Variants in PDE4D observed in about 807,000 individuals in gnomAD.
PDE4D encodes the protein 3',5'-cyclic-AMP phosphodiesterase 4D.
In PDE4D, 24 loss-of-function variants were observed where a neutral mutation model predicts 87.4. That is an observed-to-expected ratio of 0.27 (90% CI 0.20 to 0.39). PDE4D has a LOEUF of 0.39. PDE4D is among the 10% of genes least tolerant of loss of function. The probability of loss-of-function intolerance (pLI) is 1.00; values close to 1 mark genes in which losing one functional copy is unlikely to be tolerated. For synonymous variants in PDE4D, 384 were observed against 383.2 expected (o/e 1.00, Z -0.02); for missense variants, 714 against 1,041.0 (o/e 0.69, Z 4.32).
chr5:60,308,570 C>A (rs1583372730), intron 1 of PDE4D, among the ~76,000 whole-genome samples: 1 of 152,138 alleles, frequency 6.6e-6, no homozygotes, highest in Non-Finnish European at 1.5e-5. Context: ...AAAAGTAGAG[C>A]CAGAAACCCC....
chr5:59,390,588 T>C (rs914861234), intron 1 of PDE4D, among the ~76,000 whole-genome samples: 7 of 152,118 alleles, frequency 4.6e-5, no homozygotes, highest in Non-Finnish European at 1.5e-5. Flanking sequence ...TATTTTTATA[T>C]CCAAGAGTTT....
intron 1 of PDE4D, among the ~76,000 whole-genome samples, chr5:59,771,362 A>G (rs1464520812): frequency 6.7e-6 from 1 of 149,964 alleles, no homozygotes; most frequent in East Asian, 1.9e-4. Context: ...GTAAAGGAAG[A>G]GATTATACTA....
At chr5:59,046,804 C>T (rs1006271099) in intron 5 of PDE4D, among the ~76,000 whole-genome samples, 2 of 152,018 alleles carry the variant, frequency 1.3e-5, no homozygotes, top group East Asian at 3.9e-4. Flanking sequence ...AATAAGGAGG[C>T]CTTTTGTCCA....
At chr5:60,057,148 C>A (rs1233355861) in intron 2 of PDE4D, among the ~76,000 whole-genome samples, 2 of 151,894 alleles carry the variant, frequency 1.3e-5, no homozygotes, top group African/African-American at 4.8e-5. Flanking sequence ...AAAGTCTCTA[C>A]ACAGAATAAA....
intron 2 of PDE4D, among the ~76,000 whole-genome samples, chr5:60,106,535 C>T (rs992538651): frequency 2.0e-5 from 3 of 152,036 alleles, no homozygotes; most frequent in South Asian, 4.2e-4. Flanking sequence ...AACTCTCCAC[C>T]CCAAATCAAC....
At chr5:59,142,699 G>A (rs926134894) in intron 5 of PDE4D, among the ~76,000 whole-genome samples, 1 of 152,226 alleles carries the variant, frequency 6.6e-6, no homozygotes, top group Non-Finnish European at 1.5e-5. Context: ...CACTTTGGGA[G>A]GCCCAGGCGG....
intron 2 of PDE4D, among the ~76,000 whole-genome samples, chr5:60,072,221 T>C (rs371554834): frequency 2.0e-5 from 3 of 152,180 alleles, no homozygotes; most frequent in Admixed American, 6.5e-5. Context: ...TTCTGACTGA[T>C]GTGAGATGGC....
At position 58,994,734 on chromosome 5, in the gene PDE4D, A is replaced by G. The variant is rs556699115; in HGVS notation, c.922-1269T>C. ...CTAAATAACTTCCAAAGTCAATCTT[A>G]TAGACCATCTAGATTAAGTTTTAAC... On this transcript the variant is annotated intron_variant, in intron 6 of 14. Transcript: ENST00000340635. Among the ~76,000 whole-genome samples the G allele has an allele frequency of 1.9e-3, 290 of 152,322 alleles. 1 individual carries two copies. Among genetic ancestry groups the G allele is most frequent in the African/African-American group, 6.4e-3 (268 of 41,588 alleles).
intron 1 of PDE4D, among the ~76,000 whole-genome samples, chr5:59,652,789 C>G (rs1561409774): frequency 6.6e-6 from 1 of 151,960 alleles, no homozygotes; most frequent in African/African-American, 2.4e-5. Flanking sequence ...ACACTCAATT[C>G]AGATCTTATT....
chr5:59,842,369 G>A (rs996192905), intron 1 of PDE4D, among the ~76,000 whole-genome samples: 1 of 152,036 alleles, frequency 6.6e-6, no homozygotes, highest in Non-Finnish European at 1.5e-5. Context: ...TATTCCATGT[G>A]TAGAGTCTGT....
At chr5:59,119,512 A>G (rs1269924429) in intron 5 of PDE4D, among the ~76,000 whole-genome samples, 1 of 152,234 alleles carries the variant, frequency 6.6e-6, no homozygotes, top group Non-Finnish European at 1.5e-5. Flanking sequence ...TTGTTTATAA[A>G]ACACCAAATT....
At chr5:60,410,882 A>G (rs1215218948) in intron 1 of PDE4D, among the ~76,000 whole-genome samples, 1 of 152,210 alleles carries the variant, frequency 6.6e-6, no homozygotes, top group Non-Finnish European at 1.5e-5. Context: ...GGCACTTGCC[A>G]TGGGAGAGAC....
intron 1 of PDE4D, among the ~76,000 whole-genome samples, chr5:60,470,698 A>G (rs1197293489): frequency 6.6e-6 from 1 of 152,178 alleles, no homozygotes; most frequent in Non-Finnish European, 1.5e-5. Flanking sequence ...CTCCATAAAT[A>G]GAGCCACAAG....
intron 1 of PDE4D, among the ~76,000 whole-genome samples, chr5:59,333,389 C>A (rs1777087612): frequency 6.6e-6 from 1 of 152,116 alleles, no homozygotes; most frequent in East Asian, 1.9e-4. Context: ...GGAGACTTTT[C>A]ACTTAAAGTT....
intron 1 of PDE4D, among the ~76,000 whole-genome samples, chr5:59,540,937 T>C (rs1816229285): frequency 6.6e-6 from 1 of 152,186 alleles, no homozygotes; most frequent in Admixed American, 6.6e-5. Context: ...ATTATTTTTA[T>C]CTTATAGATT....
intron 1 of PDE4D, among the ~76,000 whole-genome samples, chr5:59,566,297 C>T (rs1203112989): frequency 6.6e-6 from 1 of 152,110 alleles, no homozygotes; most frequent in East Asian, 1.9e-4. Flanking sequence ...TCTGTGCCTG[C>T]CTCCACCCTG....
intron 1 of PDE4D, among the ~76,000 whole-genome samples, chr5:59,754,798 T>C (rs942892544): frequency 2.5e-4 from 6 of 24,484 alleles, no homozygotes; most frequent in Non-Finnish European, 4.9e-4. Context: ...CCACAGAACA[T>C]TTTTTTTTTT....
At chr5:59,098,872 A>C (rs1001680165) in intron 5 of PDE4D, among the ~76,000 whole-genome samples, 1 of 152,130 alleles carries the variant, frequency 6.6e-6, no homozygotes, top group African/African-American at 2.4e-5. Flanking sequence ...CATTTAGGTT[A>C]CAAGATGGCT....
intron 1 of PDE4D, among the ~76,000 whole-genome samples, chr5:60,440,500 G>A (rs961391769): frequency 6.6e-6 from 1 of 152,124 alleles, no homozygotes. Context: ...ATCCTGGTAT[G>A]ATAGGTGAAG....
Sources: allele counts gnomAD v4.1 joint callset (sites outside exome capture counted in the v4.1 genomes callset), GRCh38; gene constraint gnomAD v4.1.1; transcripts MANE v1.5; gene names NCBI Gene and HGNC (gene_info 2026-07-23, HGNC 2026-07-21).